CNOT6: variants seen among roughly 807,000 people sequenced by gnomAD.
CNOT6 encodes CCR4-NOT transcription complex subunit 6, also known as carbon catabolite repression 4 protein.
In CNOT6, 12 loss-of-function variants were observed where a neutral mutation model predicts 61.2. The observed-to-expected ratio is 0.20, with a 90% CI of 0.13 to 0.32. The LOEUF (loss-of-function observed/expected upper bound fraction) is 0.32. CNOT6 is among the 10% of genes least tolerant of loss of function. The pLI is 1.00. For missense variants in CNOT6, 405 were observed against 663.9 expected, an observed-to-expected ratio of 0.61 and a Z score of 4.28; for synonymous variants, 225 against 240.6, an observed-to-expected ratio of 0.94 and a Z score of 0.60.
chr5:180,514,241 G>A (rs1434443329), intron 1 of CNOT6, among the ~76,000 whole-genome samples: 1 of 151,298 alleles, frequency 6.6e-6, no homozygotes, highest in Non-Finnish European at 1.5e-5. Flanking sequence ...GGCCAACATG[G>A]TGAAACCCCG....
intron 1 of CNOT6, among the ~76,000 whole-genome samples, chr5:180,515,234 A>AT (rs1757579251): frequency 6.6e-6 from 1 of 151,772 alleles, no homozygotes; most frequent in Non-Finnish European, 1.5e-5. Flanking sequence ...CCTGGGCAAC[A>AT]TAGTGATGCC....
chr5:180,524,013 T>C (rs867537909), intron 1 of CNOT6, among the ~76,000 whole-genome samples: 12 of 152,290 alleles, frequency 7.9e-5, no homozygotes, highest in African/African-American at 2.4e-4. Context: ...AAATAATTAT[T>C]CTAAGATCAT....
chr5:180,539,025 A>G (rs1387745674), intron 2 of CNOT6, among the ~76,000 whole-genome samples: 2 of 146,642 alleles, frequency 1.4e-5, no homozygotes, highest in African/African-American at 5.0e-5. Context: ...AATACAAAAA[A>G]TGAGCTGGGT....
chr5:180,537,796 T>TTC (rs1242102292), intron 2 of CNOT6, among the ~76,000 whole-genome samples: 20 of 113,138 alleles, frequency 1.8e-4, no homozygotes, highest in South Asian at 7.4e-4. Flanking sequence ...TTATTCCTCT[T>TTC]TCTCTCTCTT....
chr5:180,561,356 TTGTGTGTG>T (rs35909953), intron 4 of CNOT6, among the ~76,000 whole-genome samples: 3,949 of 144,800 alleles, frequency 0.027, 90 homozygotes, highest in African/African-American at 0.069. Context: ...CTTGTGTGTT[TTGTGTGTG>T]TGTGTGTGTG....
intron 1 of CNOT6, among the ~76,000 whole-genome samples, chr5:180,515,125 C>T (rs1051650625): frequency 2.6e-5 from 4 of 151,878 alleles, no homozygotes; most frequent in African/African-American, 9.7e-5. Flanking sequence ...TATTGAAAGA[C>T]TTATATTTTA....
intron 6 of CNOT6, among the ~76,000 whole-genome samples, chr5:180,564,960 G>A (rs75800465): frequency 3.0e-4 from 46 of 152,330 alleles, no homozygotes; most frequent in African/African-American, 8.9e-4. Flanking sequence ...CTTCTCAAAC[G>A]GGCAGTTTAT....
In CNOT6 at chr5:180,501,654, G is replaced by A. The variant is rs1375201249; in HGVS notation, c.-3+6891G>A. On this transcript the variant is annotated intron_variant, in intron 1 of 11. Transcript: ENST00000261951. ...TAAGAATTATGGACTCTGCTGAAGG[G>A]AATGAAAGTATGCATATATGCAAGT... Among the ~76,000 whole-genome samples, 2 of 152,204 alleles carry A rather than the reference G, an allele frequency of 1.3e-5. 1 individual carries two copies. Among genetic ancestry groups the A allele is most frequent in the Admixed American group, 1.3e-4 (2 of 15,282 alleles).
intron 1 of CNOT6, among the ~76,000 whole-genome samples, chr5:180,508,356 G>A (rs1431015361): frequency 6.6e-6 from 1 of 152,224 alleles, no homozygotes; most frequent in African/African-American, 2.4e-5. Flanking sequence ...CTCTCACCCA[G>A]GCTGGAGTGC....
chr5:180,508,818 T>TA (rs1554096672), intron 1 of CNOT6, among the ~76,000 whole-genome samples: 2,620 of 138,376 alleles, frequency 0.019, 32 homozygotes, highest in Non-Finnish European at 0.027. Flanking sequence ...ATTAATTAAT[T>TA]TTATTATTAT....
At chr5:180,526,883 CTT>C (rs11366709) in intron 1 of CNOT6, among the ~76,000 whole-genome samples, 251 of 138,360 alleles carry the variant, frequency 1.8e-3, no homozygotes, top group South Asian at 2.3e-3. Flanking sequence ...AACCGTAAAA[CTT>C]TTTTTTTTTT....
intron 4 of CNOT6, among the ~76,000 whole-genome samples, chr5:180,557,001 C>T (rs1412105748): frequency 6.6e-6 from 1 of 151,690 alleles, no homozygotes; most frequent in Non-Finnish European, 1.5e-5. Context: ...ATACTGTATG[C>T]GGTCTTTTGA....
At chr5:180,567,375 C>G in intron 8 of CNOT6, 133 bp downstream of exon 8, 1 of 774,662 alleles carries the variant, frequency 1.3e-6, no homozygotes. Context: ...ACTGTTTGAC[C>G]TAGGGGGTTT....
chr5:180,539,214 T>C (rs551758945), intron 2 of CNOT6, among the ~76,000 whole-genome samples: 1 of 149,316 alleles, frequency 6.7e-6, no homozygotes, highest in East Asian at 2.0e-4. Context: ...GGAGGATTAC[T>C]TGGACTCAGG....
At chr5:180,563,710 T>G (rs574389421) in intron 4 of CNOT6, among the ~76,000 whole-genome samples, 8 of 152,228 alleles carry the variant, frequency 5.3e-5, no homozygotes, top group Non-Finnish European at 7.3e-5. Flanking sequence ...AAAATGGCGC[T>G]GTGGCATCCA....
At chr5:180,497,035 T>C (rs1401581155) in intron 1 of CNOT6, among the ~76,000 whole-genome samples, 4 of 152,128 alleles carry the variant, frequency 2.6e-5, no homozygotes, top group Non-Finnish European at 5.9e-5. Flanking sequence ...AGTTTAAAAG[T>C]ATGCATTTTA....
At chr5:180,536,663 T>G (rs1200136910) in intron 2 of CNOT6, among the ~76,000 whole-genome samples, 1 of 152,176 alleles carries the variant, frequency 6.6e-6, no homozygotes, top group Non-Finnish European at 1.5e-5. Flanking sequence ...CAGGCTGTAG[T>G]GCAGTGATGC....
intron 1 of CNOT6, among the ~76,000 whole-genome samples, chr5:180,519,335 T>C (rs1432056746): frequency 1.3e-5 from 2 of 152,180 alleles, no homozygotes; most frequent in Non-Finnish European, 2.9e-5. Flanking sequence ...CATAGTGAGG[T>C]CTCCATTTGG....
intron 3 of CNOT6, among the ~76,000 whole-genome samples, chr5:180,552,627 T>C (rs13152935): frequency 0.55 from 81,621 of 149,430 alleles, 24,156 homozygotes; most frequent in Non-Finnish European, 0.68. Context: ...GCCTGGGCAA[T>C]GGAGCGAGAC....
Sources: gnomAD v4.1 joint callset for allele counts (sites outside exome capture counted in the v4.1 genomes callset) on GRCh38, gnomAD v4.1.1 for gene constraint, MANE v1.5 for transcripts, NCBI Gene and HGNC (gene_info 2026-07-23, HGNC 2026-07-21) for gene names.